The following TRHDE variants were observed in gnomAD, a reference collection of about 807,000 sequenced individuals.
The protein encoded by TRHDE is thyrotropin releasing hormone degrading enzyme.
A neutral mutation model predicts 125.7 loss-of-function variants in TRHDE; 72 were observed. The ratio of observed to expected loss-of-function variants is 0.57; its 90% CI spans 0.47 to 0.70. The LOEUF is 0.70. Ranked by LOEUF, TRHDE falls within the 30% of genes least tolerant of loss-of-function variation. The pLI, the probability that TRHDE is intolerant of heterozygous loss-of-function variation, is 0.00. For missense variants in TRHDE, 1,110 were observed against 1,327.1 expected, an observed-to-expected ratio of 0.84 and a Z score of 2.54; for synonymous variants, 509 against 509.1, an observed-to-expected ratio of 1.00 and a Z score of 0.00.
chr12:72,339,816 G>C (rs1375889336), intron 2 of TRHDE, among the ~76,000 whole-genome samples: 3 of 152,132 alleles, frequency 2.0e-5, no homozygotes, highest in Non-Finnish European at 4.4e-5. Context: ...TGCTACTAAA[G>C]GATCATAGTT....
intron 2 of TRHDE, among the ~76,000 whole-genome samples, chr12:72,156,835 G>A (rs892246721): frequency 2.0e-5 from 3 of 152,152 alleles, no homozygotes; most frequent in Non-Finnish European, 4.4e-5. Flanking sequence ...CAAGTATAGG[G>A]AATGCTAGGA....
At position 72,597,492 on chromosome 12, in the gene TRHDE, A is replaced by G. The variant is rs193152137; in HGVS notation, c.2322-21399A>G. ...AGACCAGCCTGGCCAACATGGTGAA[A>G]CCCTGTCTCTGCTAAAAATATAAAA... On this transcript the variant is annotated intron_variant, in intron 12 of 18. Coordinates refer to ENST00000261180, the MANE Select transcript of TRHDE (RefSeq NM_013381.3). Among the ~76,000 whole-genome samples the G allele has an allele frequency of 1.9e-3, 282 of 151,328 alleles. 1 individual carries two copies. The highest frequency in any genetic ancestry group is 6.5e-3 in the African/African-American group (269 of 41,250).
chr12:72,152,899 T>A (rs1316519189), intron 2 of TRHDE, among the ~76,000 whole-genome samples: 2 of 152,232 alleles, frequency 1.3e-5, no homozygotes, highest in Non-Finnish European at 2.9e-5. Context: ...ATCAGAATGG[T>A]GCTGGCCTCA....
chr12:72,447,094 G>A (rs192883608), intron 3 of TRHDE, among the ~76,000 whole-genome samples: 94 of 152,014 alleles, frequency 6.2e-4, no homozygotes, highest in African/African-American at 1.8e-3. Flanking sequence ...CACTTATTCC[G>A]AAATTGACCA....
chr12:72,520,638 G>C (rs200611256), intron 6 of TRHDE, among the ~76,000 whole-genome samples: 4 of 152,278 alleles, frequency 2.6e-5, no homozygotes, highest in East Asian at 3.9e-4. Flanking sequence ...GACTGGAGCT[G>C]TTCCTATTCG....
At chr12:72,230,337 C>A (rs541070964) in intron 2 of TRHDE, among the ~76,000 whole-genome samples, 64 of 152,230 alleles carry the variant, frequency 4.2e-4, no homozygotes, top group Non-Finnish European at 6.0e-4. Flanking sequence ...ATAAAGAAAG[C>A]AGCTGTCGTA....
rs540636337 is a variant in TRHDE at position 72,565,995 on chromosome 12, G to T, written c.2043-2573G>T. On this transcript the variant is annotated intron_variant, in intron 9 of 18. Coordinates refer to ENST00000261180, the MANE Select transcript of TRHDE (RefSeq NM_013381.3). The stretch of plus-strand genomic sequence containing the variant: ...TTAAACATAATCCATTGCAGTCTTG[G>T]ATTTCTTTACAACATAGAGGGCTTT... Among the ~76,000 whole-genome samples, 30 of 151,982 alleles carry T rather than the reference G, an allele frequency of 2.0e-4. No homozygotes were observed. The East Asian group carries it at 5.8e-3, about 29-fold the overall frequency.
At position 72,374,332 on chromosome 12, in the gene TRHDE, T is replaced by A. The variant is rs558361176; in HGVS notation, c.1189-3663T>A. On this transcript the variant is annotated intron_variant, in intron 2 of 18. Transcript: ENST00000261180. ...GTGTGTGTGTGTGTGTGTGTGTGTG[T>A]GATATCAGGAGTTTGGTTTTAGACC... Among the ~76,000 whole-genome samples, 964 of 142,546 alleles carry A rather than the reference T, an allele frequency of 6.8e-3. 13 individuals carry two copies. Among genetic ancestry groups the A allele is most frequent in the African/African-American group, 0.022 (823 of 38,004 alleles). 93.5% of individuals were successfully genotyped at this position (142,546 alleles called of 152,430 possible).
At chr12:72,543,897 T>A (rs1869281799) in intron 7 of TRHDE, among the ~76,000 whole-genome samples, 1 of 150,532 alleles carries the variant, frequency 6.6e-6, no homozygotes, top group South Asian at 2.1e-4. Flanking sequence ...TTTAATACAT[T>A]CTTTTCCACT....
At chr12:72,166,377 A>C (rs1284678532) in intron 2 of TRHDE, among the ~76,000 whole-genome samples, 1 of 152,092 alleles carries the variant, frequency 6.6e-6, no homozygotes, top group African/African-American at 2.4e-5. Flanking sequence ...ATACACATAC[A>C]TATATCTATG....
chr12:72,163,831 G>T (rs905098703), intron 2 of TRHDE, among the ~76,000 whole-genome samples: 1 of 152,206 alleles, frequency 6.6e-6, no homozygotes, highest in Non-Finnish European at 1.5e-5. Flanking sequence ...ACTCAAATCG[G>T]CAGAGCGCGG....
intron 3 of TRHDE, among the ~76,000 whole-genome samples, chr12:72,386,605 T>G (rs546644643): frequency 1.6e-4 from 24 of 152,252 alleles, no homozygotes; most frequent in African/African-American, 5.1e-4. Context: ...TACTGACCCA[T>G]TTTTTCTCCT....
At chr12:72,225,294 A>G (rs1174738210) in intron 2 of TRHDE, among the ~76,000 whole-genome samples, 1 of 152,186 alleles carries the variant, frequency 6.6e-6, no homozygotes. Context: ...AATGTGCAAC[A>G]TTAGCCTCAT....
At chr12:72,401,271 C>T (rs893158573) in intron 3 of TRHDE, among the ~76,000 whole-genome samples, 6 of 152,184 alleles carry the variant, frequency 3.9e-5, no homozygotes, top group African/African-American at 1.4e-4. Context: ...TAATAGCTAA[C>T]ACCCACTGAG....
chr12:72,273,166 C>T lies in TRHDE; in HGVS notation c.523C>T (p.Arg175Trp). Residue 175 changes from arginine (R) to tryptophan (W), a missense_variant, in exon 1 of 19, where the codon CGG becomes TGG. Arg to Trp is a moderately radical substitution (Grantham distance 101, BLOSUM62 -3). Around this residue, in one of 5 missense-constraint regions of TRHDE, gnomAD observed 72 missense variants for 122.2 expected, o/e 0.59. Coordinates refer to ENST00000261180, the MANE Select transcript of TRHDE (RefSeq NM_013381.3). The surrounding 1 kb of genome is among the most constrained non-coding windows in gnomAD (Gnocchi z 5.3). ...GGCCCAGCCGCCGTCGGAGGAGGAG[C>T]GGGAGCCGTGGGAGCCGTGGACGCA... is the stretch of plus-strand genomic sequence containing the variant. Reference protein sequence around the residue: ...TSAQPPSEEEREPWEPWTQLR... With the variant: ...TSAQPPSEEEWEPWEPWTQLR... The T allele has an allele frequency of 6.3e-7, 1 of 1,585,022 alleles. No homozygotes were observed. Among genetic ancestry groups the T allele is most frequent in the Non-Finnish European group, 8.6e-7 (1 of 1,162,422 alleles).
chr12:72,353,400 C>T lies in TRHDE; in HGVS notation c.1189-24595C>T, dbSNP rs576518659. 1.5e-4 allele frequency among the ~76,000 whole-genome samples: 23 copies of T among 151,052 alleles called. No individual in the cohort carries two copies. In the East Asian group the frequency reaches 4.5e-3, roughly 30 times the overall value. On this transcript the variant is annotated intron_variant, in intron 2 of 18. Coordinates refer to ENST00000261180, the MANE Select transcript of TRHDE (RefSeq NM_013381.3). The stretch of plus-strand genomic sequence containing the variant: ...AAAGTGGTTGAAGGATATTAACGGG[C>T]AATTTATAGAAGAGGCTATTTGAAT...
chr12:72,536,407 G>A (rs116409150), intron 6 of TRHDE, among the ~76,000 whole-genome samples: 1,672 of 152,190 alleles, frequency 0.011, 32 homozygotes, highest in African/African-American at 0.038. Context: ...CCTTTGCAAG[G>A]AGAGAGGAAA....
chr12:72,628,141 A>G (rs1352954427), intron 15 of TRHDE, among the ~76,000 whole-genome samples: 1 of 151,934 alleles, frequency 6.6e-6, no homozygotes, highest in Non-Finnish European at 1.5e-5. Flanking sequence ...AATGATGAAC[A>G]AAAGAACATG....
rs1014523328 is a variant in TRHDE at position 72,354,720 on chromosome 12, A to G, written c.1189-23275A>G. ...ATATATACCGATTTTCTTATTTTATAATTATGTATACATAAAATATATATA... is the reference window on the plus strand; with the variant it reads ...ATATATACCGATTTTCTTATTTTATGATTATGTATACATAAAATATATATA... On this transcript the variant is annotated intron_variant, in intron 2 of 18. Coordinates refer to ENST00000261180, the MANE Select transcript of TRHDE (RefSeq NM_013381.3). 2.0e-5 allele frequency among the ~76,000 whole-genome samples: 3 copies of G among 148,706 alleles called. No homozygotes were observed. In the Admixed American group the frequency reaches 2.0e-4, roughly 10 times the overall value.
Sources: gnomAD v4.1 joint callset for allele counts (sites outside exome capture counted in the v4.1 genomes callset) on GRCh38, gnomAD v4.1.1 for gene constraint, gnomAD v4.1.1 regional missense constraint, Gnocchi (gnomAD v3.1) non-coding constraint, MANE v1.5 for transcripts, NCBI Gene and HGNC (gene_info 2026-07-23, HGNC 2026-07-21) for gene names.